The following EPHA1 variants were observed in gnomAD, a reference collection of about 807,000 sequenced individuals.
EPHA1 encodes the protein EPH receptor A1, also known as ephrin type-A receptor 1.
In EPHA1, 92 loss-of-function variants were observed where a neutral mutation model predicts 110.1. The observed-to-expected ratio is 0.84, with a 90% CI of 0.71 to 0.99. The LOEUF is 0.99. Among genes scored for constraint, EPHA1 ranks in the 50% least tolerant of loss-of-function variants. The pLI is 0.00. For missense variants in EPHA1, 1,204 were observed against 1,285.4 expected, an observed-to-expected ratio of 0.94 and a Z score of 0.97; for synonymous variants, 500 against 516.1, an observed-to-expected ratio of 0.97 and a Z score of 0.42.
rs774299123 is a variant in EPHA1, at chr7:143,391,629, A to G, written c.2843T>C (p.Leu948Pro). 3 of 1,614,156 alleles carry G rather than the reference A, an allele frequency of 1.9e-6. No homozygotes were observed. The highest frequency in any genetic ancestry group is 1.7e-6 in the Non-Finnish European group (2 of 1,180,018). The change falls in exon 17 of 18, where the codon CTG (leucine) becomes CCG (proline). Residue 948 changes from leucine (L) to proline (P), a missense_variant. Transcript: ENST00000275815. ...AGCTCCAGCTCCTTACTCAGCGGTC[A>G]GCTCCAGCACACACTCCATGGTGTC... ...GLDTMECVLELTAEDLTQMGI... is the reference protein window; with the variant it reads ...GLDTMECVLEPTAEDLTQMGI...
chr7:143,396,334 T>C, intron 11 of EPHA1, 51 bp downstream of exon 11: 1 of 1,589,782 alleles, frequency 6.3e-7, no homozygotes, highest in Non-Finnish European at 8.6e-7. Flanking sequence ...CTGGTGGCTC[T>C]GTGCTGCCCC....
chr7:143,394,528 C>T (rs550900995), intron 14 of EPHA1, among the ~76,000 whole-genome samples, 185 bp from the exon 15 acceptor site: 8 of 152,190 alleles, frequency 5.3e-5, no homozygotes, highest in African/African-American at 1.9e-4. Context: ...TCAAGCGATT[C>T]TCCTGCCTCA....
At chr7:143,405,185 G>A (rs1805513346) in intron 2 of EPHA1, among the ~76,000 whole-genome samples, 1 of 152,034 alleles carries the variant, frequency 6.6e-6, no homozygotes, top group Admixed American at 6.6e-5. Flanking sequence ...GAAGGCACTG[G>A]CGGGGGTCAG....
In EPHA1 at chr7:143,391,707, A is replaced by ATCC. The variant is rs757373002; in HGVS notation, c.2764_2765insGGA (p.Leu922delinsArgIle). ...GTAGCGTTTCATGCGTATGGACTCG[A>ATCC]GCCACTCAGAGACGGTTCGATATGG... On this transcript the variant is annotated protein_altering_variant, in exon 17 of 18. Coordinates refer to ENST00000275815, the MANE Select transcript of EPHA1 (RefSeq NM_005232.5). 2 of 1,613,868 alleles carry ATCC rather than the reference A, an allele frequency of 1.2e-6. No homozygotes were observed. The highest frequency in any genetic ancestry group is 1.7e-6 in the Non-Finnish European group (2 of 1,180,026).
chr7:143,396,243 G>C, intron 11 of EPHA1, 142 bp downstream of exon 11: 1 of 1,186,054 alleles, frequency 8.4e-7, no homozygotes, highest in South Asian at 1.6e-5. Context: ...ACAGAGCAGA[G>C]CAGAGTGAGT....
chr7:143,395,974 G>C lies in EPHA1; in HGVS notation c.1897+411C>G, dbSNP rs1805233440. On this transcript the variant is annotated intron_variant, in intron 11 of 17. Coordinates refer to ENST00000275815, the MANE Select transcript of EPHA1 (RefSeq NM_005232.5). This position sits in a 1 kb window ranked among gnomAD's most constrained non-coding sequence, Gnocchi z 4.7. ...AGATCCATTTCCTCTGGTGACCCAA[G>C]GGAACAGGGCAGCCCAAGGACACTG... Among the ~76,000 whole-genome samples, 1 of 152,184 alleles carries C rather than the reference G, an allele frequency of 6.6e-6. No individual in the cohort carries two copies. Among genetic ancestry groups the C allele is most frequent in the Admixed American group, 6.5e-5 (1 of 15,276 alleles).
Position 143,393,761 on chromosome 7 carries a change from C to T in EPHA1, c.2606G>A (p.Arg869His), listed in dbSNP as rs1055875730. 4.3e-6 allele frequency: 7 copies of T among 1,613,168 alleles called. No homozygotes were observed. The highest frequency in any genetic ancestry group is 3.3e-5 in the Admixed American group (2 of 59,868). Reference protein sequence around the residue: ...MKNCWAYDRARRPHFQKLQAH... With the variant: ...MKNCWAYDRAHRPHFQKLQAH... ...CTGAAGCTTCTGGAAGTGTGGCCGG[C>T]GGGCACGGTCATATGCCCAGCAGTT... The change falls in exon 16 of 18, where the codon CGC becomes CAC. Residue 869 changes from arginine (R) to histidine (H), a missense_variant. Transcript: ENST00000275815. This position sits in a 1 kb window ranked among gnomAD's most constrained non-coding sequence, Gnocchi z 5.6.
Position 143,391,347 on chromosome 7 carries a change from G to T in EPHA1, c.*110C>A. The T allele has an allele frequency of 1.5e-6, 2 of 1,326,066 alleles. No homozygotes were observed. The highest frequency in any genetic ancestry group is 2.1e-6 in the Non-Finnish European group (2 of 952,480). The allele number at this position is 1,326,066 out of a possible 1,614,324, so 82.1% of individuals were successfully genotyped here. ...CCTGAAAGTGGGCAGAAGCAGCACC[G>T]ATAGCCTAGTCTGGCAGGTTGTGGG... On this transcript the variant is annotated 3_prime_UTR_variant, in exon 18 of 18. Transcript: ENST00000275815.
chr7:143,400,992 C>A (rs983849396), intron 3 of EPHA1: 3 of 335,350 alleles, frequency 8.9e-6, no homozygotes, highest in Non-Finnish European at 1.1e-5. Flanking sequence ...CTCCTGGGCT[C>A]AAGTGATCCT....
At chr7:143,397,537 T>TGGG (rs200563282) in intron 9 of EPHA1, 24 bp downstream of exon 9, 1 of 1,553,112 alleles carries the variant, frequency 6.4e-7, no homozygotes, top group Non-Finnish European at 8.9e-7. Context: ...GGCTGGTGGT[T>TGGG]GGGGAGGGGG....
chr7:143,404,380 C>A (rs1243004473), intron 2 of EPHA1, among the ~76,000 whole-genome samples: 1 of 151,996 alleles, frequency 6.6e-6, no homozygotes, highest in Non-Finnish European at 1.5e-5. Flanking sequence ...CCATGCCTGG[C>A]TAATTTTTTT....
At chr7:143,396,361 G>A in intron 11 of EPHA1, 24 bp downstream of exon 11, 2 of 1,605,812 alleles carry the variant, frequency 1.2e-6, no homozygotes, top group Non-Finnish European at 1.7e-6. Flanking sequence ...CGGGGGGCCT[G>A]CTGCGGTGCA....
intron 11 of EPHA1, 65 bp downstream of exon 11, chr7:143,396,319 GC>G: frequency 1.3e-6 from 2 of 1,562,862 alleles, no homozygotes; most frequent in Non-Finnish European, 1.7e-6. Context: ...GAAGGAAGGG[GC>G]CTGCTGGTGG....
At chr7:143,398,118 G>A (rs1200607376) in intron 7 of EPHA1, 48 bp from the exon 8 acceptor site, 5 of 1,606,980 alleles carry the variant, frequency 3.1e-6, no homozygotes, top group East Asian at 2.2e-5. Flanking sequence ...CCAGACCCGG[G>A]TGGATGTGAT....
Position 143,398,034 on chromosome 7 carries a change from C to A in EPHA1, c.1501G>T (p.Val501Phe), listed in dbSNP as rs1331331625. The change falls in exon 8 of 18, where the codon GTC (valine) becomes TTC (phenylalanine). Residue 501 changes from valine to phenylalanine, a missense_variant. Coordinates refer to ENST00000275815, the MANE Select transcript of EPHA1 (RefSeq NM_005232.5). ...ERYQMVLEPR[V>F]LLTELQPDTT... Reference sequence around the variant, plus strand: ...TCAGGCTGCAGCTCTGTCAGCAAGACCCTGGGTTCTAGAACCATCTGGTAC... The same window carrying A: ...TCAGGCTGCAGCTCTGTCAGCAAGAACCTGGGTTCTAGAACCATCTGGTAC... The A allele has an allele frequency of 1.2e-6, 2 of 1,614,074 alleles. No homozygotes were observed. Among genetic ancestry groups the A allele is most frequent in the South Asian group, 1.1e-5 (1 of 91,084 alleles).
chr7:143,403,253 C>A (rs771841631), intron 2 of EPHA1, among the ~76,000 whole-genome samples: 17 of 152,280 alleles, frequency 1.1e-4, no homozygotes, highest in Non-Finnish European at 2.4e-4. Context: ...TGCCTGTAAT[C>A]CCGGCTACTT....
chr7:143,393,813 G>C lies in EPHA1; in HGVS notation c.2554C>G (p.Pro852Ala), dbSNP rs1805162328. 1 of 1,604,112 alleles carries C rather than the reference G, an allele frequency of 6.2e-7. No homozygotes were observed. The highest frequency in any genetic ancestry group is 8.5e-7 in the Non-Finnish European group (1 of 1,173,604). ...TTCATGAGCTCATACAGAGGGGCAG[G>C]GCAGTCCACAGGAGGGGGCAACCGG... ...GYRLPPPVDCPAPLYELMKNC... is the reference protein window; with the variant it reads ...GYRLPPPVDCAAPLYELMKNC... Residue 852 changes from proline (P) to alanine (A), a missense_variant, in exon 16 of 18, where the codon CCT becomes GCT. Coordinates refer to ENST00000275815, the MANE Select transcript of EPHA1 (RefSeq NM_005232.5). The surrounding 1 kb of genome is among the most constrained non-coding windows in gnomAD (Gnocchi z 5.6).
intron 1 of EPHA1, 113 bp from the exon 2 acceptor site, chr7:143,407,791 G>T: frequency 1.1e-6 from 1 of 913,724 alleles, no homozygotes; most frequent in East Asian, 2.5e-5. Flanking sequence ...GTTCCTAAAA[G>T]CTGTGACTTC....
Position 143,397,177 on chromosome 7 carries a change from G to A in EPHA1, c.1771+127C>T, listed in dbSNP as rs1805273711. On this transcript the variant is annotated intron_variant, in intron 10 of 17. Coordinates refer to ENST00000275815, the MANE Select transcript of EPHA1 (RefSeq NM_005232.5). ...CCTGGGGACAACAAACCCCACATGT[G>A]CCCCCAGAGTTGGCCTAGCAAATGT... 5.3e-6 allele frequency: 6 copies of A among 1,134,926 alleles called. No homozygotes were observed. In the South Asian group the frequency reaches 8.2e-5, roughly 16 times the overall value. The allele number at this position is 1,134,926 out of a possible 1,614,324, so 70.3% of individuals were successfully genotyped here.
Sources: allele counts gnomAD v4.1 joint callset (sites outside exome capture counted in the v4.1 genomes callset), GRCh38; gene constraint gnomAD v4.1.1; non-coding constraint Gnocchi (gnomAD v3.1); transcripts MANE v1.5; gene names NCBI Gene and HGNC (gene_info 2026-07-23, HGNC 2026-07-21).